Variants in CIAO1 observed in about 807,000 individuals in gnomAD.
CIAO1 encodes the protein probable cytosolic iron-sulfur protein assembly protein CIAO1.
CIAO1 carries 32 observed loss-of-function variants against 43.1 expected under a neutral mutation model. That is an observed-to-expected ratio of 0.74 (90% confidence interval 0.56 to 1.00). CIAO1 has a LOEUF of 1.00. CIAO1 is among the 50% of genes least tolerant of loss of function. The pLI, the probability that CIAO1 is intolerant of heterozygous loss-of-function variation, is 0.00. For missense variants in CIAO1, 415 were observed against 437.4 expected, an observed-to-expected ratio of 0.95 and a Z score of 0.46; for synonymous variants, 183 against 171.4, an observed-to-expected ratio of 1.07 and a Z score of -0.53.
At chr2:96,270,809 C>CAAA (rs531540380) in intron 6 of CIAO1, among the ~76,000 whole-genome samples, 9 of 53,728 alleles carry the variant, frequency 1.7e-4, no homozygotes, top group Non-Finnish European at 2.7e-4. Context: ...GACTCCATCT[C>CAAA]AAAAAAAAAA....
Position 96,267,670 on chromosome 2 carries a change from G to T in CIAO1, c.334G>T (p.Ala112Ser). The T allele has an allele frequency of 6.2e-7, 1 of 1,614,166 alleles. No homozygotes were observed. Among genetic ancestry groups the T allele is most frequent in the South Asian group, 1.1e-5 (1 of 91,088 alleles). Residue 112 changes from alanine to serine, a missense_variant, in exon 3 of 7, where the codon GCT becomes TCT. Ala to Ser is a moderately conservative substitution (Grantham distance 99). Coordinates refer to ENST00000488633, the MANE Select transcript of CIAO1 (RefSeq NM_004804.3). ...EGHENEVKSV[A>S]WAPSGNLLAT... is the part of the protein sequence containing the mutation. ...CCATGAAAATGAGGTCAAGTCAGTG[G>T]CTTGGGCCCCATCTGGCAACCTCCT...
chr2:96,271,337 C>G lies in CIAO1; in HGVS notation c.1006C>G (p.Pro336Ala), dbSNP rs767530811. 4.3e-6 allele frequency: 7 copies of G among 1,613,948 alleles called. No individual in the cohort carries two copies. The South Asian group carries it at 7.7e-5, about 18-fold the overall frequency. ...GGTGGCCTTCTGGAAGTATCAGCGG[C>G]CTGAAGGCCTCTGAGCTACCTCGAC... ...GEVAFWKYQR[P>A]EGL is the part of the protein sequence containing the mutation. Residue 336 changes from proline to alanine, a missense_variant, in exon 7 of 7, where the codon CCT (proline) becomes GCT (alanine). Coordinates refer to ENST00000488633, the MANE Select transcript of CIAO1 (RefSeq NM_004804.3).
In CIAO1 at chr2:96,267,640, G is replaced by C; in HGVS notation, c.304G>C (p.Glu102Gln). Residue 102 changes from glutamate to glutamine, a missense_variant, in exon 3 of 7, where the codon GAG becomes CAG. Transcript: ENST00000488633. ...CCTTTCACAGTGTGTAACCACTCTC[G>C]AGGGCCATGAAAATGAGGTCAAGTC... ...QDDFECVTTL[E>Q]GHENEVKSVA... 1 of 1,614,088 alleles carries C rather than the reference G, an allele frequency of 6.2e-7. No individual in the cohort carries two copies. The highest frequency in any genetic ancestry group is 1.1e-5 in the South Asian group (1 of 91,086).
At chr2:96,267,211 C>G (rs1684450575) in intron 1 of CIAO1, 110 bp from the exon 2 acceptor site, 1 of 728,986 alleles carries the variant, frequency 1.4e-6, no homozygotes, top group African/African-American at 2.0e-5. Context: ...CTGTGAAATA[C>G]ACTCCCTGAG....
At position 96,270,668 on chromosome 2, in the gene CIAO1, G is replaced by A. The variant is rs750936621; in HGVS notation, c.780-443G>A. On this transcript the variant is annotated intron_variant, in intron 6 of 6. Coordinates refer to ENST00000488633, the MANE Select transcript of CIAO1 (RefSeq NM_004804.3). ...CTACTGAAAATACAAAAATTAGCCGGGCATGGTGGCACATGCCTGTAGTCC... is the reference window on the plus strand; with the variant it reads ...CTACTGAAAATACAAAAATTAGCCGAGCATGGTGGCACATGCCTGTAGTCC... Among the ~76,000 whole-genome samples the A allele has an allele frequency of 7.7e-4, 116 of 150,964 alleles. 1 individual carries two copies. The highest frequency in any genetic ancestry group is 6.3e-4 in the South Asian group (3 of 4,764).
Position 96,272,482 on chromosome 2 carries a change from T to A in CIAO1, c.*1131T>A, listed in dbSNP as rs1430829378. The A allele has an allele frequency of 6.6e-6, 1 of 152,248 alleles. No individual in the cohort carries two copies. Among genetic ancestry groups the A allele is most frequent in the Admixed American group, 6.5e-5 (1 of 15,282 alleles). The allele number at this position is 152,248 out of a possible 1,614,324, so 9.4% of individuals were successfully genotyped here. ...CAGCAAACTTCTAGTAGTTTTGATA[T>A]GTCCTTGATAGAACAAATAGCAATG... On this transcript the variant is annotated 3_prime_UTR_variant, in exon 7 of 7. Coordinates refer to ENST00000488633, the MANE Select transcript of CIAO1 (RefSeq NM_004804.3).
At chr2:96,268,072 G>A (rs1239685794) in intron 4 of CIAO1, 148 bp downstream of exon 4, 29 of 713,572 alleles carry the variant, frequency 4.1e-5, no homozygotes, top group Non-Finnish European at 4.1e-5. Flanking sequence ...AAACAGATCC[G>A]GCTGGGTGTG....
At position 96,273,667 on chromosome 2, in the gene CIAO1, A is replaced by AC. The variant is rs1684598828; in HGVS notation, c.*2316_*2317insC. Among the ~76,000 whole-genome samples the AC allele has an allele frequency of 7.0e-6, 1 of 142,604 alleles. No individual in the cohort carries two copies. The highest frequency in any genetic ancestry group is 1.5e-5 in the Non-Finnish European group (1 of 66,406). The allele number at this position is 142,604 out of a possible 152,430, so 93.6% of individuals were successfully genotyped here. ...GACAGAGCGAGACTCCATTTCAAAA[A>AC]AAAAAAAAAAAAAAAAAAATCACTT... On this transcript the variant is annotated 3_prime_UTR_variant, in exon 7 of 7. Transcript: ENST00000488633.
At chr2:96,268,244 C>T (rs545401994) in intron 4 of CIAO1, among the ~76,000 whole-genome samples, 3 of 152,130 alleles carry the variant, frequency 2.0e-5, no homozygotes, top group Admixed American at 6.5e-5. Flanking sequence ...CCCAGCTATT[C>T]GGGAGGCTGA....
intron 5 of CIAO1, chr2:96,268,924 G>T: frequency 3.5e-6 from 2 of 566,926 alleles, no homozygotes; most frequent in South Asian, 4.2e-5. Context: ...TAACAATGGC[G>T]GGAATGCTTA....
chr2:96,273,564 G>A lies in CIAO1; in HGVS notation c.*2213G>A, dbSNP rs1437918040. On this transcript the variant is annotated 3_prime_UTR_variant, in exon 7 of 7. Transcript: ENST00000488633. ...TGTAGTCCCAGCTACTCGGGAGGCT[G>A]AGGCAGGAGAATAGCTTGAACCCGG... 6.6e-6 allele frequency among the ~76,000 whole-genome samples: 1 copy of A among 151,310 alleles called. No individual in the cohort carries two copies. The highest frequency in any genetic ancestry group is 1.9e-4 in the East Asian group (1 of 5,144).
rs1035653463 is a variant in CIAO1, at chr2:96,273,576, T to C, written c.*2225T>C. ...TACTCGGGAGGCTGAGGCAGGAGAATAGCTTGAACCCGGGAGGTGGAGGTT... is the reference window on the plus strand; with the variant it reads ...TACTCGGGAGGCTGAGGCAGGAGAACAGCTTGAACCCGGGAGGTGGAGGTT... On this transcript the variant is annotated 3_prime_UTR_variant, in exon 7 of 7. Transcript: ENST00000488633. Among the ~76,000 whole-genome samples the C allele has an allele frequency of 8.2e-5, 12 of 145,620 alleles. No homozygotes were observed. The highest frequency in any genetic ancestry group is 3.8e-3 in the Middle Eastern group (1 of 262).
intron 5 of CIAO1, chr2:96,268,938 TGA>T: frequency 8.8e-6 from 5 of 566,188 alleles, no homozygotes; most frequent in Non-Finnish European, 1.6e-5. Flanking sequence ...ATGCTTAGAC[TGA>T]GGGGTGGTAA....
chr2:96,267,414 C>G lies in CIAO1; in HGVS notation c.233C>G (p.Ser78Cys). ...TCCCCCTGCGGTAATTACCTGGCCT[C>G]TGCCAGCTTTGATGCTACCACTTGC... ...AWSPCGNYLASASFDATTCIW... is the reference protein window; with the variant it reads ...AWSPCGNYLACASFDATTCIW... The change falls in exon 2 of 7, where the codon TCT becomes TGT. Residue 78 changes from serine to cysteine, a missense_variant. By Grantham distance (112) the Ser-to-Cys change is moderately radical. Transcript: ENST00000488633. The G allele has an allele frequency of 1.9e-6, 3 of 1,614,208 alleles. No homozygotes were observed. Among genetic ancestry groups the G allele is most frequent in the Non-Finnish European group, 2.5e-6 (3 of 1,180,044 alleles).
Position 96,266,347 on chromosome 2 carries a change from C to T in CIAO1, c.-4C>T. The stretch of plus-strand genomic sequence containing the variant: ...GCCCCCACCTCCCCCTGCGTCGGGC[C>T]GACATGAAGGACTCGCTGGTGCTGC... On this transcript the variant is annotated 5_prime_UTR_variant, in exon 1 of 7. Coordinates refer to ENST00000488633, the MANE Select transcript of CIAO1 (RefSeq NM_004804.3). 7.0e-7 allele frequency: 1 copy of T among 1,419,762 alleles called. No individual in the cohort carries two copies. The highest frequency in any genetic ancestry group is 9.3e-7 in the Non-Finnish European group (1 of 1,070,168). The allele number at this position is 1,419,762 out of a possible 1,614,324, so 87.9% of individuals were successfully genotyped here.
Position 96,268,642 on chromosome 2 carries a change from A to G in CIAO1, c.675A>G (p.Leu225=). The change falls in exon 5 of 7, where the codon CTA becomes CTG. Residue 225 remains leucine, a synonymous_variant. Transcript: ENST00000488633. Reference sequence around the variant, plus strand: ...CTGTGCGTATCTGGCGTCAGTATCTACCAGGCAATGAACAAGGTGAGGTCC... The same window carrying G: ...CTGTGCGTATCTGGCGTCAGTATCTGCCAGGCAATGAACAAGGTGAGGTCC... ...DRTVRIWRQY[L]PGNEQGVACS... 6.2e-7 allele frequency: 1 copy of G among 1,614,174 alleles called. No individual in the cohort carries two copies.
Position 96,271,177 on chromosome 2 carries a change from T to G in CIAO1, c.846T>G (p.Asp282Glu), listed in dbSNP as rs1233769883. Residue 282 changes from aspartate (D) to glutamate (E), a missense_variant, in exon 7 of 7, where the codon GAT becomes GAG. Asp to Glu is a conservative substitution (Grantham distance 45). Coordinates refer to ENST00000488633, the MANE Select transcript of CIAO1 (RefSeq NM_004804.3). ...GDDAIRVFQE[D>E]PNSDPQQPTF... ...ACGCGATCCGCGTGTTTCAGGAGGA[T>G]CCCAACTCGGATCCACAGCAGCCCA... The G allele has an allele frequency of 1.9e-6, 3 of 1,614,180 alleles. No individual in the cohort carries two copies. Among genetic ancestry groups the G allele is most frequent in the Non-Finnish European group, 2.5e-6 (3 of 1,180,026 alleles).
In CIAO1 at chr2:96,268,672, G is replaced by A; in HGVS notation, c.691+14G>A. On this transcript the variant is annotated intron_variant, in intron 5 of 6. Coordinates refer to ENST00000488633, the MANE Select transcript of CIAO1 (RefSeq NM_004804.3). ...GCAATGAACAAGGTGAGGTCCATTA[G>A]TAGAGCTAAAGAAGACCCATCTCTC... The A allele has an allele frequency of 6.2e-7, 1 of 1,613,832 alleles. No individual in the cohort carries two copies. The highest frequency in any genetic ancestry group is 8.5e-7 in the Non-Finnish European group (1 of 1,179,748).
Position 96,268,554 on chromosome 2 carries a change from C to T in CIAO1, c.587C>T (p.Thr196Ile), listed in dbSNP as rs1684481244. Residue 196 changes from threonine (T) to isoleucine (I), a missense_variant, in exon 5 of 7, where the codon ACT becomes ATT. Thr to Ile is a moderately conservative substitution (Grantham distance 89, BLOSUM62 -1). Coordinates refer to ENST00000488633, the MANE Select transcript of CIAO1 (RefSeq NM_004804.3). ...GCCACCCTTGAGGGCCATGAATCCA[C>T]TGTGTGGAGCTTGGCCTTTGACCCG... ...CCATLEGHES[T>I]VWSLAFDPSG... The T allele has an allele frequency of 6.2e-7, 1 of 1,614,104 alleles. No individual in the cohort carries two copies. The highest frequency in any genetic ancestry group is 1.7e-5 in the Admixed American group (1 of 60,000).
Sources: allele counts gnomAD v4.1 joint callset (sites outside exome capture counted in the v4.1 genomes callset), GRCh38; gene constraint gnomAD v4.1.1; transcripts MANE v1.5; gene names NCBI Gene and HGNC (gene_info 2026-07-23, HGNC 2026-07-21).